FBXL7: variants seen among roughly 807,000 people sequenced by gnomAD.
The protein encoded by FBXL7 is F-box and leucine rich repeat protein 7, also known as F-box/LRR-repeat protein 7.
In FBXL7, 12 loss-of-function variants were observed where a neutral mutation model predicts 38.3. That is an observed-to-expected ratio of 0.31 (90% confidence interval 0.20 to 0.51). The LOEUF (loss-of-function observed/expected upper bound fraction) is 0.51, where lower values mean the gene tolerates loss of function less well. FBXL7 is among the 20% of genes least tolerant of loss of function. FBXL7 has a pLI of 0.98. For synonymous variants in FBXL7, 297 were observed against 300.9 expected (o/e 0.99, Z 0.13); for missense variants, 567 against 676.4 (o/e 0.84, Z 1.79).
intron 1 of FBXL7, among the ~76,000 whole-genome samples, chr5:15,607,967 G>A (rs562516126): frequency 3.7e-4 from 56 of 152,302 alleles, no homozygotes; most frequent in Admixed American, 1.0e-3. Context: ...CACAGTTCCA[G>A]TGTACTAATG....
At chr5:15,633,693 A>G (rs908799449) in intron 2 of FBXL7, among the ~76,000 whole-genome samples, 2 of 151,212 alleles carry the variant, frequency 1.3e-5, no homozygotes, top group Non-Finnish European at 2.9e-5. Flanking sequence ...TCAGGCAGAT[A>G]GACTAGGCCT....
At chr5:15,602,634 A>G (rs1739836304) in intron 1 of FBXL7, among the ~76,000 whole-genome samples, 1 of 152,058 alleles carries the variant, frequency 6.6e-6, no homozygotes, top group African/African-American at 2.4e-5. Flanking sequence ...GTCGTACTAA[A>G]CAATAATGAA....
chr5:15,575,153 G>A (rs1738917529), intron 1 of FBXL7, among the ~76,000 whole-genome samples: 1 of 152,142 alleles, frequency 6.6e-6, no homozygotes, highest in Non-Finnish European at 1.5e-5. Context: ...GGTCTGAAAT[G>A]TTACAGCTGG....
At chr5:15,713,905 A>G (rs543074492) in intron 2 of FBXL7, among the ~76,000 whole-genome samples, 7 of 152,334 alleles carry the variant, frequency 4.6e-5, no homozygotes, top group Non-Finnish European at 7.4e-5. Flanking sequence ...TTCTTTAAAT[A>G]CCTACACTGT....
intron 1 of FBXL7, among the ~76,000 whole-genome samples, chr5:15,578,909 A>C (rs1453424292): frequency 6.6e-6 from 1 of 152,222 alleles, no homozygotes; most frequent in Non-Finnish European, 1.5e-5. Flanking sequence ...ATTTTGATGA[A>C]AAATAAATTA....
At chr5:15,597,301 T>TA (rs1739651604) in intron 1 of FBXL7, among the ~76,000 whole-genome samples, 1 of 152,064 alleles carries the variant, frequency 6.6e-6, no homozygotes, top group South Asian at 2.1e-4. Context: ...AGAATAAAAA[T>TA]ACAGCAATTT....
At chr5:15,579,339 T>C (rs1036234240) in intron 1 of FBXL7, among the ~76,000 whole-genome samples, 2 of 152,194 alleles carry the variant, frequency 1.3e-5, no homozygotes, top group African/African-American at 2.4e-5. Context: ...CTGTGAATAA[T>C]TGGCATCCTA....
At chr5:15,503,997 G>T (rs1285194557) in intron 1 of FBXL7, among the ~76,000 whole-genome samples, 1 of 152,216 alleles carries the variant, frequency 6.6e-6, no homozygotes, top group Non-Finnish European at 1.5e-5. Context: ...GATGTAATGG[G>T]CAGAGGCCTC....
intron 2 of FBXL7, among the ~76,000 whole-genome samples, chr5:15,790,990 C>T (rs1737259323): frequency 6.7e-6 from 1 of 148,992 alleles, no homozygotes; most frequent in South Asian, 2.1e-4. Context: ...ATGGGGTGGC[C>T]TGGTAGGGTA....
intron 2 of FBXL7, among the ~76,000 whole-genome samples, chr5:15,866,605 A>G (rs1278824206): frequency 1.3e-5 from 2 of 151,962 alleles, no homozygotes; most frequent in Non-Finnish European, 2.9e-5. Context: ...ACATAGGCAT[A>G]TGTGTGCCAT....
At chr5:15,757,422 G>T (rs777189879) in intron 2 of FBXL7, among the ~76,000 whole-genome samples, 1 of 151,644 alleles carries the variant, frequency 6.6e-6, no homozygotes, top group African/African-American at 2.4e-5. Flanking sequence ...GGAGGCTCTC[G>T]AACTTCAGAT....
chr5:15,556,106 T>C (rs1738233004), intron 1 of FBXL7, among the ~76,000 whole-genome samples: 1 of 151,788 alleles, frequency 6.6e-6, no homozygotes, highest in Non-Finnish European at 1.5e-5. Flanking sequence ...TACCTATCTA[T>C]CTATCTATAT....
intron 2 of FBXL7, among the ~76,000 whole-genome samples, chr5:15,813,968 C>T (rs1332260992): frequency 6.6e-6 from 1 of 152,166 alleles, no homozygotes; most frequent in African/African-American, 2.4e-5. Context: ...AATGCTTTTA[C>T]ACTGTTGGTG....
intron 2 of FBXL7, among the ~76,000 whole-genome samples, chr5:15,886,869 T>C (rs778696408): frequency 6.6e-6 from 1 of 152,214 alleles, no homozygotes; most frequent in African/African-American, 2.4e-5. Context: ...ACACCTCTTA[T>C]CTAACAACTA....
At chr5:15,633,771 A>ATTATT (rs1741077516) in intron 2 of FBXL7, among the ~76,000 whole-genome samples, 2 of 115,088 alleles carry the variant, frequency 1.7e-5, no homozygotes, top group South Asian at 2.7e-4. Flanking sequence ...TATTATTATT[A>ATTATT]TTATTATTTT....
At chr5:15,759,061 C>G (rs371551062) in intron 2 of FBXL7, among the ~76,000 whole-genome samples, 1 of 152,164 alleles carries the variant, frequency 6.6e-6, no homozygotes, top group African/African-American at 2.4e-5. Context: ...TTAAAATAAT[C>G]GTGGCCACAC....
chr5:15,563,340 G>A (rs1017545717), intron 1 of FBXL7, among the ~76,000 whole-genome samples: 2 of 152,042 alleles, frequency 1.3e-5, no homozygotes, highest in African/African-American at 2.4e-5. Flanking sequence ...CGTTAATTGC[G>A]CTCTGCTATT....
intron 1 of FBXL7, among the ~76,000 whole-genome samples, chr5:15,597,861 T>C (rs1417746698): frequency 2.0e-5 from 3 of 152,246 alleles, no homozygotes; most frequent in Non-Finnish European, 2.9e-5. Context: ...TGATCTATTC[T>C]GGCTCAAAGG....
At chr5:15,586,647 T>A (rs1355046626) in intron 1 of FBXL7, among the ~76,000 whole-genome samples, 2 of 152,088 alleles carry the variant, frequency 1.3e-5, no homozygotes, top group Non-Finnish European at 2.9e-5. Context: ...TGAAGAATTG[T>A]CTACAGTCCA....
Sources: gnomAD v4.1 joint callset for allele counts (sites outside exome capture counted in the v4.1 genomes callset) on GRCh38, gnomAD v4.1.1 for gene constraint, MANE v1.5 for transcripts, NCBI Gene and HGNC (gene_info 2026-07-23, HGNC 2026-07-21) for gene names.